Variants in GLRA3 observed in about 807,000 individuals in gnomAD.
The protein encoded by GLRA3 is glycine receptor alpha 3.
Under a neutral mutation model 60.4 loss-of-function variants are expected in GLRA3, and 44 were observed. The ratio of observed to expected loss-of-function variants is 0.73; its 90% CI spans 0.57 to 0.94. The LOEUF is 0.94. GLRA3 is among the 40% of genes least tolerant of loss of function. The pLI is 0.00. For synonymous variants in GLRA3, 223 were observed against 192.9 expected (o/e 1.16, Z -1.29); for missense variants, 508 against 564.6 (o/e 0.90, Z 1.02).
chr4:174,680,397 A>T (rs1734296885), intron 6 of GLRA3, among the ~76,000 whole-genome samples: 1 of 152,240 alleles, frequency 6.6e-6, no homozygotes, highest in African/African-American at 2.4e-5. Flanking sequence ...AAATAAGTAA[A>T]CATAAAATTG....
rs1176601867 is a variant in GLRA3 at position 174,771,449 on chromosome 4, C to CT, written c.200-4420dup. On this transcript the variant is annotated intron_variant, in intron 2 of 9. Coordinates refer to ENST00000274093, the MANE Select transcript of GLRA3 (RefSeq NM_006529.4). ...GATAATACTAGACTCCTACTATTTT[C>CT]TTTTTTTTTTTCTTGGAATAGCAAT... 3.5e-3 allele frequency among the ~76,000 whole-genome samples: 507 copies of CT among 145,242 alleles called. 2 individuals carry two copies. The highest frequency in any genetic ancestry group is 0.011 in the African/African-American group (433 of 39,926).
intron 9 of GLRA3, among the ~76,000 whole-genome samples, chr4:174,649,417 A>G (rs963772420): frequency 6.6e-6 from 1 of 152,198 alleles, no homozygotes; most frequent in Non-Finnish European, 1.5e-5. Context: ...GATGTGATAC[A>G]TAAATGAAGG....
rs774106199 is a variant in GLRA3, at chr4:174,659,039, C to T, written c.1071+15G>A. On this transcript the variant is annotated intron_variant, in intron 8 of 9. Transcript: ENST00000274093. ...AAACTGGATTCTGCCAAACCCAATA[C>T]GTTTAATCACTTACCTTATTCTTTC... The T allele has an allele frequency of 1.0e-5, 16 of 1,606,798 alleles. No individual in the cohort carries two copies. The highest frequency in any genetic ancestry group is 1.3e-5 in the Non-Finnish European group (15 of 1,174,906).
chr4:174,685,542 C>T (rs1169396186), intron 5 of GLRA3, among the ~76,000 whole-genome samples: 1 of 152,126 alleles, frequency 6.6e-6, no homozygotes, highest in East Asian at 1.9e-4. Context: ...GACTCCAGAA[C>T]AGATGTGGGA....
intron 3 of GLRA3, among the ~76,000 whole-genome samples, chr4:174,741,597 CT>C (rs33955031): frequency 0.2 from 30,078 of 151,704 alleles, 4,386 homozygotes; most frequent in African/African-American, 0.41. Context: ...ATAAAGATCC[CT>C]TTATCCATTA....
chr4:174,681,369 T>C (rs764762456), intron 6 of GLRA3, among the ~76,000 whole-genome samples: 3 of 152,154 alleles, frequency 2.0e-5, no homozygotes, highest in Non-Finnish European at 2.9e-5. Context: ...TGTGTGAATG[T>C]GAACTGACTT....
At position 174,802,874 on chromosome 4, in the gene GLRA3, G is replaced by T. The variant is rs557420907; in HGVS notation, c.72-13931C>A. 5.3e-5 allele frequency among the ~76,000 whole-genome samples: 8 copies of T among 152,200 alleles called. No homozygotes were observed. The South Asian group carries it at 1.7e-3, about 31-fold the overall frequency. On this transcript the variant is annotated intron_variant, in intron 1 of 9. Coordinates refer to ENST00000274093, the MANE Select transcript of GLRA3 (RefSeq NM_006529.4). ...CTTTTTAACCAGGCTTGATATTGCA[G>T]TAGTGTTACATTCAGGACTTACATA...
At chr4:174,661,839 A>G (rs1343930113) in intron 7 of GLRA3, among the ~76,000 whole-genome samples, 1 of 152,242 alleles carries the variant, frequency 6.6e-6, no homozygotes, top group Non-Finnish European at 1.5e-5. Flanking sequence ...AAGAATGGAA[A>G]AAACAGACAA....
Position 174,715,547 on chromosome 4 carries a change from G to T in GLRA3, c.515C>A (p.Pro172Gln). 1 of 1,526,324 alleles carries T rather than the reference G, an allele frequency of 6.6e-7. No individual in the cohort carries two copies. Among genetic ancestry groups the T allele is most frequent in the Non-Finnish European group, 9.0e-7 (1 of 1,105,178 alleles). 94.5% of individuals were successfully genotyped at this position (1,526,324 alleles called of 1,614,324 possible). ...SIRLTLTLSC[P>Q]MDLKNFPMDV... is the part of the protein sequence containing the mutation. ...CATGGGAAAATTCTTGAGATCCATT[G>T]GACAGGAAAGTGTTAATGTTAATCT... Residue 172 changes from proline (P) to glutamine (Q), a missense_variant, in exon 5 of 10, where the codon CCA becomes CAA. Pro to Gln is a moderately conservative substitution (Grantham distance 76). Coordinates refer to ENST00000274093, the MANE Select transcript of GLRA3 (RefSeq NM_006529.4).
At chr4:174,790,341 G>C (rs1739277605) in intron 1 of GLRA3, among the ~76,000 whole-genome samples, 2 of 151,618 alleles carry the variant, frequency 1.3e-5, no homozygotes, top group Admixed American at 6.6e-5. Context: ...GTGATCATTG[G>C]GAAGTTTATT....
rs1383680945 is a variant in GLRA3 at position 174,697,077 on chromosome 4, T to C, written c.575-14138A>G. Among the ~76,000 whole-genome samples, 4 of 152,170 alleles carry C rather than the reference T, an allele frequency of 2.6e-5. No individual in the cohort carries two copies. The East Asian group carries it at 7.7e-4, about 29-fold the overall frequency. On this transcript the variant is annotated intron_variant, in intron 5 of 9. Transcript: ENST00000274093. ...GTGGTTTAAAAATAGCTTAAAAGAC[T>C]ACACATGAGAAAAGAGGTTATATAA...
In GLRA3 at chr4:174,682,887, T is replaced by G; in HGVS notation, c.627A>C (p.Val209=). Residue 209 remains valine, a synonymous_variant, in exon 6 of 10, where the codon GTA becomes GTC. Transcript: ENST00000274093. The stretch of plus-strand genomic sequence containing the variant: ...GCAAAGTGAGTCCTTCTGCCACTTG[T>G]ACGGGTGCCTCATCTTGCCATTCAA... ...LIFEWQDEAP[V]QVAEGLTLPQ... is the part of the protein sequence containing the mutation. 1 of 1,612,756 alleles carries G rather than the reference T, an allele frequency of 6.2e-7. No homozygotes were observed. Among genetic ancestry groups the G allele is most frequent in the Non-Finnish European group, 8.5e-7 (1 of 1,178,728 alleles).
chr4:174,816,612 A>G (rs752988496), intron 1 of GLRA3, among the ~76,000 whole-genome samples: 3 of 150,954 alleles, frequency 2.0e-5, no homozygotes, highest in Non-Finnish European at 4.4e-5. Context: ...CTCACATCCA[A>G]TCAATGGACA....
Position 174,637,077 on chromosome 4 carries a change from C to T in GLRA3, c.*6709G>A, listed in dbSNP as rs1429155926. 2.0e-5 allele frequency: 3 copies of T among 151,966 alleles called. No homozygotes were observed. Among genetic ancestry groups the T allele is most frequent in the Non-Finnish European group, 2.9e-5 (2 of 68,004 alleles). The allele number at this position is 151,966 out of a possible 1,614,324, so 9.4% of individuals were successfully genotyped here. A position where few individuals can be genotyped will look rare whatever the true frequency, so the allele number is the denominator to read the frequency against. ...ATAATGAAAAACAAGTTGATGAAATCGTGCATAAATTTTTAAATATGTTTT... is the reference window on the plus strand; with the variant it reads ...ATAATGAAAAACAAGTTGATGAAATTGTGCATAAATTTTTAAATATGTTTT... On this transcript the variant is annotated 3_prime_UTR_variant, in exon 10 of 10. Transcript: ENST00000274093.
chr4:174,687,178 A>G (rs1364528317), intron 5 of GLRA3, among the ~76,000 whole-genome samples: 1 of 152,222 alleles, frequency 6.6e-6, no homozygotes, highest in Non-Finnish European at 1.5e-5. Context: ...TTTTACTGCC[A>G]TATCTTGCAG....
chr4:174,713,313 G>A (rs1735791864), intron 5 of GLRA3, among the ~76,000 whole-genome samples: 1 of 152,172 alleles, frequency 6.6e-6, no homozygotes, highest in Middle Eastern at 3.4e-3. Flanking sequence ...CACATGGGAG[G>A]TCTTACTATG....
chr4:174,742,004 T>C (rs1364233102), intron 3 of GLRA3, among the ~76,000 whole-genome samples: 1 of 152,170 alleles, frequency 6.6e-6, no homozygotes, highest in Non-Finnish European at 1.5e-5. Context: ...TAATTGGCAT[T>C]AGCTAGAAAT....
chr4:174,798,411 G>T lies in GLRA3; in HGVS notation c.72-9468C>A, dbSNP rs115109927. On this transcript the variant is annotated intron_variant, in intron 1 of 9. Transcript: ENST00000274093. ...TTGAAAAATAAGATACAGAATGAAA[G>T]ATATGAGCCTTTTACCCATCTCCCT... Among the ~76,000 whole-genome samples the T allele has an allele frequency of 5.5e-3, 831 of 152,268 alleles. 5 individuals are homozygous for T. Among genetic ancestry groups the T allele is most frequent in the African/African-American group, 0.019 (809 of 41,550 alleles).
chr4:174,649,615 T>C (rs1419408253), intron 9 of GLRA3, among the ~76,000 whole-genome samples: 1 of 152,180 alleles, frequency 6.6e-6, no homozygotes, highest in Admixed American at 6.5e-5. Flanking sequence ...CTCTCTAGAA[T>C]AGCCTGTCTG....
Sources: gnomAD v4.1 joint callset for allele counts (sites outside exome capture counted in the v4.1 genomes callset) on GRCh38, gnomAD v4.1.1 for gene constraint, MANE v1.5 for transcripts, NCBI Gene and HGNC (gene_info 2026-07-23, HGNC 2026-07-21) for gene names.